ST6GALNAC3: variants seen among roughly 807,000 people sequenced by gnomAD.
ST6GALNAC3 encodes alpha-N-acetylgalactosaminide alpha-2,6-sialyltransferase 3.
Under a neutral mutation model 32.7 loss-of-function variants are expected in ST6GALNAC3, and 25 were observed. The observed-to-expected ratio is 0.76, with a 90% CI of 0.56 to 1.07. ST6GALNAC3 has a LOEUF of 1.07. Among genes scored for constraint, ST6GALNAC3 ranks in the 50% least tolerant of loss-of-function variants. The pLI is 0.00. For missense variants in ST6GALNAC3, 355 were observed against 382.4 expected (o/e 0.93, Z 0.60); for synonymous variants, 129 against 133.1 (o/e 0.97, Z 0.21).
intron 1 of ST6GALNAC3, among the ~76,000 whole-genome samples, chr1:76,223,427 G>A (rs1238136234): frequency 6.6e-6 from 1 of 152,034 alleles, no homozygotes; most frequent in African/African-American, 2.4e-5. Context: ...GGAGAGAGAG[G>A]ATCGAAAAAC....
intron 3 of ST6GALNAC3, among the ~76,000 whole-genome samples, chr1:76,533,634 G>A (rs1206722090): frequency 6.6e-6 from 1 of 151,970 alleles, no homozygotes; most frequent in East Asian, 1.9e-4. Context: ...GGCAGAACAG[G>A]TCTCTGCCCT....
intron 1 of ST6GALNAC3, among the ~76,000 whole-genome samples, chr1:76,165,529 T>C (rs1652067476): frequency 6.6e-6 from 1 of 152,192 alleles, no homozygotes; most frequent in South Asian, 2.1e-4. Flanking sequence ...TATTTGGATA[T>C]ATACCCAGTA....
At chr1:76,159,473 C>T (rs914542137) in intron 1 of ST6GALNAC3, among the ~76,000 whole-genome samples, 7 of 152,204 alleles carry the variant, frequency 4.6e-5, no homozygotes, top group African/African-American at 1.2e-4. Flanking sequence ...CATGAGCCAC[C>T]GCACCCGGTC....
rs142278318 is a variant in ST6GALNAC3 at position 76,353,275 on chromosome 1, G to C, written c.213+39276G>C. Among the ~76,000 whole-genome samples the C allele has an allele frequency of 6.0e-3, 912 of 152,010 alleles. 3 individuals carry two copies. Among genetic ancestry groups the C allele is most frequent in the Middle Eastern group, 0.01 (3 of 294 alleles). On this transcript the variant is annotated intron_variant, in intron 2 of 4. Coordinates refer to ENST00000328299, the MANE Select transcript of ST6GALNAC3 (RefSeq NM_152996.4). Reference sequence around the variant, plus strand: ...TGTTTCCTCTCCCTGTACGTTCTTCGGGCCCACGCGTTTCTGTGGCTGGCC... The same window carrying C: ...TGTTTCCTCTCCCTGTACGTTCTTCCGGCCCACGCGTTTCTGTGGCTGGCC...
chr1:76,395,879 G>GAAT (rs1363285693), intron 2 of ST6GALNAC3, among the ~76,000 whole-genome samples: 3 of 152,092 alleles, frequency 2.0e-5, no homozygotes, highest in Non-Finnish European at 4.4e-5. Context: ...CCATTAGAAG[G>GAAT]AATAAGTTCT....
intron 1 of ST6GALNAC3, among the ~76,000 whole-genome samples, chr1:76,198,315 T>C (rs1244218084): frequency 1.3e-5 from 2 of 152,166 alleles, no homozygotes; most frequent in Non-Finnish European, 2.9e-5. Context: ...GGATTACAGG[T>C]GTGAGCCACC....
intron 1 of ST6GALNAC3, among the ~76,000 whole-genome samples, chr1:76,116,462 C>T (rs1027984332): frequency 1.3e-4 from 20 of 152,064 alleles, no homozygotes; most frequent in Non-Finnish European, 2.4e-4. Flanking sequence ...GAGGCAGCCA[C>T]GTTGTTTTAA....
chr1:76,153,920 G>T (rs562972265), intron 1 of ST6GALNAC3, among the ~76,000 whole-genome samples: 5 of 152,126 alleles, frequency 3.3e-5, no homozygotes, highest in African/African-American at 1.2e-4. Flanking sequence ...CTCCATTTTG[G>T]TGTCTTATCT....
At chr1:76,260,086 C>T (rs1340337901) in intron 1 of ST6GALNAC3, among the ~76,000 whole-genome samples, 1 of 151,958 alleles carries the variant, frequency 6.6e-6, no homozygotes, top group Non-Finnish European at 1.5e-5. Context: ...GCCTTTGAAC[C>T]CAAAGACCTG....
At position 76,102,726 on chromosome 1, in the gene ST6GALNAC3, C is replaced by CATT. The variant is rs1375769817; in HGVS notation, c.18+27855_18+27857dup. On this transcript the variant is annotated intron_variant, in intron 1 of 4. Coordinates refer to ENST00000328299, the MANE Select transcript of ST6GALNAC3 (RefSeq NM_152996.4). ...TTCTATACCTTTCAGATGCCCAAGA[C>CATT]ATTATTATTATTATTGCTTTATTCA... Among the ~76,000 whole-genome samples the CATT allele has an allele frequency of 3.9e-5, 6 of 151,954 alleles. No individual in the cohort carries two copies. In the East Asian group the frequency reaches 7.7e-4, roughly 20 times the overall value.
chr1:76,408,996 G>T (rs1654029779), intron 2 of ST6GALNAC3, among the ~76,000 whole-genome samples: 1 of 152,092 alleles, frequency 6.6e-6, no homozygotes, highest in African/African-American at 2.4e-5. Context: ...AGGCTCTGCT[G>T]CAAGCCGTCT....
In ST6GALNAC3 at chr1:76,240,654, A is replaced by G. The variant is rs964919018; in HGVS notation, c.19-73151A>G. Reference sequence around the variant, plus strand: ...AGCAATCTTGGAAGCCAGTCAGCTGATCTGTCCCTCAGCTGAGTCCCTGAA... The same window carrying G: ...AGCAATCTTGGAAGCCAGTCAGCTGGTCTGTCCCTCAGCTGAGTCCCTGAA... On this transcript the variant is annotated intron_variant, in intron 1 of 4. Transcript: ENST00000328299. Among the ~76,000 whole-genome samples, 3 of 152,148 alleles carry G rather than the reference A, an allele frequency of 2.0e-5. No individual in the cohort carries two copies. The East Asian group carries it at 5.8e-4, about 29-fold the overall frequency.
rs202019156 is a variant in ST6GALNAC3, at chr1:76,525,801, A to G, written c.624-101651A>G. Among the ~76,000 whole-genome samples, 430 of 67,652 alleles carry G rather than the reference A, an allele frequency of 6.4e-3. 5 individuals carry two copies. The highest frequency in any genetic ancestry group is 0.019 in the Admixed American group (147 of 7,940). 44.4% of individuals were successfully genotyped at this position (67,652 alleles called of 152,430 possible). A position where few individuals can be genotyped will look rare whatever the true frequency, so the allele number is the denominator to read the frequency against. The stretch of plus-strand genomic sequence containing the variant: ...TGTGTGTGTGTGTGTGTATATATAT[A>G]TATATATATATATATATATATATAT... On this transcript the variant is annotated intron_variant, in intron 3 of 4. Transcript: ENST00000328299.
At chr1:76,285,023 T>C (rs4083857) in intron 1 of ST6GALNAC3, among the ~76,000 whole-genome samples, 72,593 of 151,726 alleles carry the variant, frequency 0.48, 17,637 homozygotes, top group African/African-American at 0.56. Context: ...TTAAGAGAGG[T>C]AGGAAATGAG....
intron 1 of ST6GALNAC3, among the ~76,000 whole-genome samples, chr1:76,219,701 G>A (rs1484098524): frequency 6.6e-6 from 1 of 152,232 alleles, no homozygotes; most frequent in Non-Finnish European, 1.5e-5. Context: ...GGATGTGGTG[G>A]ATGTGTCATA....
chr1:76,495,123 C>A (rs778685684), intron 3 of ST6GALNAC3, among the ~76,000 whole-genome samples: 1 of 152,084 alleles, frequency 6.6e-6, no homozygotes, highest in Admixed American at 6.6e-5. Flanking sequence ...TTAATCTCCT[C>A]CCAAAACACC....
At chr1:76,216,247 A>G (rs1394106039) in intron 1 of ST6GALNAC3, among the ~76,000 whole-genome samples, 1 of 152,006 alleles carries the variant, frequency 6.6e-6, no homozygotes, top group Non-Finnish European at 1.5e-5. Flanking sequence ...GTGTTTCTCT[A>G]TCCCCATCTC....
chr1:76,486,565 T>C (rs1398497070), intron 3 of ST6GALNAC3, among the ~76,000 whole-genome samples: 1 of 152,224 alleles, frequency 6.6e-6, no homozygotes, highest in Admixed American at 6.5e-5. Context: ...TTTTTTTGTT[T>C]TCCCTTTGCT....
chr1:76,075,784 A>T (rs891505933), intron 1 of ST6GALNAC3, among the ~76,000 whole-genome samples: 2 of 152,164 alleles, frequency 1.3e-5, no homozygotes, highest in Non-Finnish European at 2.9e-5. Context: ...ACAGCATGAA[A>T]GTTTCCTGGG....
Sources: gnomAD v4.1 joint callset for allele counts (sites outside exome capture counted in the v4.1 genomes callset) on GRCh38, gnomAD v4.1.1 for gene constraint, MANE v1.5 for transcripts, NCBI Gene and HGNC (gene_info 2026-07-23, HGNC 2026-07-21) for gene names.